The following TTC13 variants were observed in gnomAD, a reference collection of about 807,000 sequenced individuals.
TTC13 encodes tetratricopeptide repeat protein 13.
Under a neutral mutation model 120.0 loss-of-function variants are expected in TTC13, and 62 were observed. That is an observed-to-expected ratio of 0.52 (90% CI 0.42 to 0.64). The LOEUF is 0.64. Ranked by LOEUF, TTC13 falls within the 30% of genes least tolerant of loss-of-function variation. The probability of loss-of-function intolerance (pLI) is 0.00; values close to 1 mark genes in which losing one functional copy is unlikely to be tolerated. For synonymous variants in TTC13, 384 were observed against 393.5 expected, an observed-to-expected ratio of 0.98 and a Z score of 0.28; for missense variants, 824 against 1,050.2, an observed-to-expected ratio of 0.78 and a Z score of 2.98.
At chr1:230,938,309 C>A (rs1674250341) in intron 8 of TTC13, among the ~76,000 whole-genome samples, 1 of 152,172 alleles carries the variant, frequency 6.6e-6, no homozygotes, top group South Asian at 2.1e-4. Flanking sequence ...TGTGTGAGAG[C>A]ACCTACTGTG....
At chr1:230,963,786 G>A (rs1363666125) in intron 1 of TTC13, among the ~76,000 whole-genome samples, 1 of 152,150 alleles carries the variant, frequency 6.6e-6, no homozygotes, top group Non-Finnish European at 1.5e-5. Flanking sequence ...GCAAAGGGCA[G>A]CGAGGAGACT....
intron 11 of TTC13, among the ~76,000 whole-genome samples, chr1:230,929,891 T>C (rs1673390541): frequency 6.6e-6 from 1 of 152,046 alleles, no homozygotes; most frequent in Admixed American, 6.5e-5. Flanking sequence ...AAAAAGGGAA[T>C]TGTAATTCAG....
chr1:230,947,883 T>A (rs1046786412), intron 4 of TTC13, among the ~76,000 whole-genome samples: 3 of 152,180 alleles, frequency 2.0e-5, no homozygotes, highest in Non-Finnish European at 2.9e-5. Context: ...TCTGGCATCC[T>A]CCTGCTCTCC....
rs1221004726 is a variant in TTC13 at position 230,961,191 on chromosome 1, CAGAG to C, written c.366+14_366+17del. 1.5e-5 allele frequency: 24 copies of C among 1,602,410 alleles called. No homozygotes were observed. Among genetic ancestry groups the C allele is most frequent in the Non-Finnish European group, 1.7e-5 (20 of 1,170,838 alleles). ...GGCTTCAGGTTACAAAAACAGAACA[CAGAG>C]AGAAGATGCATACCAGAATCTTCTC... On this transcript the variant is annotated intron_variant, in intron 2 of 22. Transcript: ENST00000366661.
At chr1:230,973,353 C>G (rs960126968) in intron 1 of TTC13, among the ~76,000 whole-genome samples, 3 of 152,218 alleles carry the variant, frequency 2.0e-5, no homozygotes, top group Non-Finnish European at 2.9e-5. Context: ...CTCAGTGTTA[C>G]CAATTTTGTC....
chr1:230,945,375 T>C lies in TTC13; in HGVS notation c.579+14A>G, dbSNP rs1485226281. ...ATGTAGGCGCTATGGCAATCGTAAC[T>C]ATTACATACTCACATGTAGTCCCTT... On this transcript the variant is annotated intron_variant, in intron 5 of 22. Coordinates refer to ENST00000366661, the MANE Select transcript of TTC13 (RefSeq NM_024525.5). 1.6e-5 allele frequency: 26 copies of C among 1,612,680 alleles called. 1 individual carries two copies. In the East Asian group the frequency reaches 5.8e-4, roughly 36 times the overall value.
At chr1:230,950,380 A>G (rs536131200) in intron 4 of TTC13, among the ~76,000 whole-genome samples, 2 of 152,256 alleles carry the variant, frequency 1.3e-5, no homozygotes, top group African/African-American at 4.8e-5. Flanking sequence ...AAATCATGGT[A>G]TAACAGTTGC....
chr1:230,939,991 G>A (rs1379356040), intron 7 of TTC13, among the ~76,000 whole-genome samples: 1 of 152,218 alleles, frequency 6.6e-6, no homozygotes, highest in Admixed American at 6.5e-5. Context: ...AACCTTGTCA[G>A]GCTTGGGTCA....
chr1:230,955,670 C>CA (rs34027679), intron 3 of TTC13, among the ~76,000 whole-genome samples: 1,457 of 105,908 alleles, frequency 0.014, 93 homozygotes, highest in Admixed American at 0.1. Context: ...GACTCCATCT[C>CA]AAAAAAAAAA....
At chr1:230,961,757 G>A (rs190006274) in intron 1 of TTC13, among the ~76,000 whole-genome samples, 1 of 152,244 alleles carries the variant, frequency 6.6e-6, no homozygotes, top group Admixed American at 6.5e-5. Flanking sequence ...AGGCAACAGG[G>A]TAGAAAGAGT....
chr1:230,973,846 G>A (rs1255760832), intron 1 of TTC13, among the ~76,000 whole-genome samples: 2 of 152,168 alleles, frequency 1.3e-5, no homozygotes, highest in Non-Finnish European at 2.9e-5. Flanking sequence ...GGGACGCTGA[G>A]GTGGGCAGAT....
intron 17 of TTC13, among the ~76,000 whole-genome samples, chr1:230,919,935 C>A (rs912455676): frequency 6.6e-6 from 1 of 152,192 alleles, no homozygotes; most frequent in Non-Finnish European, 1.5e-5. Flanking sequence ...AGGTCTTAGT[C>A]AAGGATGAAA....
chr1:230,951,236 G>C (rs2102923351), intron 4 of TTC13, among the ~76,000 whole-genome samples: 1 of 152,264 alleles, frequency 6.6e-6, no homozygotes, highest in South Asian at 2.1e-4. Flanking sequence ...ATGTAGATTT[G>C]AAAATCATAT....
intron 1 of TTC13, among the ~76,000 whole-genome samples, chr1:230,968,737 C>T (rs892371475): frequency 2.6e-5 from 4 of 152,066 alleles, no homozygotes; most frequent in Admixed American, 2.0e-4. Flanking sequence ...CACAGGTTTC[C>T]AGTTTGTGCA....
intron 15 of TTC13, among the ~76,000 whole-genome samples, chr1:230,923,149 A>C (rs1271274270): frequency 6.6e-6 from 1 of 152,208 alleles, no homozygotes; most frequent in Non-Finnish European, 1.5e-5. Context: ...ATATCTATAC[A>C]TTTTATCTAA....
At position 230,940,410 on chromosome 1, in the gene TTC13, T is replaced by C. The variant is rs764340500; in HGVS notation, c.789+30A>G. ...GGGAAAAATGAAATCTTCATCATCA[T>C]AAAAATACTTCAAGACAAAAACCAG... On this transcript the variant is annotated intron_variant, in intron 7 of 22. Transcript: ENST00000366661. This position sits in a 1 kb window ranked among gnomAD's most constrained non-coding sequence, Gnocchi z 4.1. The C allele has an allele frequency of 9.9e-6, 14 of 1,420,326 alleles. No individual in the cohort carries two copies. In the Admixed American group the frequency reaches 2.5e-4, roughly 25 times the overall value. 88.0% of individuals were successfully genotyped at this position (1,420,326 alleles called of 1,614,324 possible).
chr1:230,968,380 C>T (rs779211403), intron 1 of TTC13, among the ~76,000 whole-genome samples: 32 of 152,032 alleles, frequency 2.1e-4, no homozygotes, highest in Non-Finnish European at 3.7e-4. Flanking sequence ...TGCTTTATTT[C>T]TAATTCATTT....
At chr1:230,946,563 T>C (rs962026829) in intron 4 of TTC13, among the ~76,000 whole-genome samples, 95 of 152,340 alleles carry the variant, frequency 6.2e-4, no homozygotes, top group African/African-American at 2.2e-3. Context: ...ACACGGTGTA[T>C]GAAAAATTGC....
At chr1:230,962,787 C>T (rs186400450) in intron 1 of TTC13, among the ~76,000 whole-genome samples, 35 of 152,272 alleles carry the variant, frequency 2.3e-4, no homozygotes, top group African/African-American at 7.7e-4. Context: ...CACACTGCAA[C>T]GTGGAAGAAC....
Sources: allele counts gnomAD v4.1 joint callset (sites outside exome capture counted in the v4.1 genomes callset), GRCh38; gene constraint gnomAD v4.1.1; non-coding constraint Gnocchi (gnomAD v3.1); transcripts MANE v1.5; gene names NCBI Gene and HGNC (gene_info 2026-07-23, HGNC 2026-07-21).